Variants in PTK2 observed in about 807,000 individuals in gnomAD.
PTK2 encodes focal adhesion kinase 1.
Under a neutral mutation model 150.1 loss-of-function variants are expected in PTK2, and 45 were observed. That is an observed-to-expected ratio of 0.30 (90% CI 0.24 to 0.38). The LOEUF (loss-of-function observed/expected upper bound fraction) is 0.38. PTK2 is among the 10% of genes least tolerant of loss of function. PTK2 has a pLI of 1.00. For synonymous variants in PTK2, 432 were observed against 449.2 expected (o/e 0.96, Z 0.48); for missense variants, 919 against 1,307.3 (o/e 0.70, Z 4.58).
intron 4 of PTK2, among the ~76,000 whole-genome samples, chr8:140,870,238 C>G (rs1025490308): frequency 3.9e-5 from 6 of 152,104 alleles, no homozygotes; most frequent in Admixed American, 1.3e-4. Context: ...CTTTTATAAG[C>G]ACATATGGCA....
At chr8:140,819,287 A>T (rs1308406524) in intron 8 of PTK2, among the ~76,000 whole-genome samples, 2 of 152,254 alleles carry the variant, frequency 1.3e-5, no homozygotes, top group Non-Finnish European at 2.9e-5. Flanking sequence ...CTTAAACAGA[A>T]GTTTGTACTA....
In PTK2 at chr8:140,668,443, G is replaced by C. The variant is rs1182448711; in HGVS notation, c.2710-19C>G. On this transcript the variant is annotated intron_variant, in intron 29 of 31. Transcript: ENST00000522684. ...GCTGAAGCTGACAACACAGAAGCCA[G>C]TCATTTTTCTGCTCTCCAGCAGATG... is the stretch of plus-strand genomic sequence containing the variant. The C allele has an allele frequency of 6.3e-7, 1 of 1,595,472 alleles. No individual in the cohort carries two copies. Among genetic ancestry groups the C allele is most frequent in the Non-Finnish European group, 8.5e-7 (1 of 1,171,194 alleles).
At chr8:140,878,109 C>G (rs1469760614) in intron 4 of PTK2, among the ~76,000 whole-genome samples, 2 of 152,122 alleles carry the variant, frequency 1.3e-5, no homozygotes, top group East Asian at 3.8e-4. Flanking sequence ...TTTACATATC[C>G]TTTGTTTTGG....
intron 1 of PTK2, among the ~76,000 whole-genome samples, chr8:140,960,508 C>T (rs567532346): frequency 1.7e-4 from 26 of 151,992 alleles, no homozygotes; most frequent in Admixed American, 1.5e-3. Flanking sequence ...GCGGCTGGCC[C>T]ATTTTAACCC....
At chr8:140,708,968 C>CAAAAAAAAAAAAAA (rs34259948) in intron 23 of PTK2, among the ~76,000 whole-genome samples, 1 of 132,514 alleles carries the variant, frequency 7.5e-6, no homozygotes. Flanking sequence ...TAAATTCAGG[C>CAAAAAAAAAAAAAA]AAAAAAAAAA....
In PTK2 at chr8:140,660,463, T is replaced by C. The variant is rs914711218; in HGVS notation, c.2947-785A>G. On this transcript the variant is annotated intron_variant, in intron 31 of 31. Transcript: ENST00000522684. ...GTGGCAGGGCGCAGTGGCTCACTCC[T>C]GTACAATTTCAGCACTTTGGGCGGC... 1.3e-5 allele frequency: 5 copies of C among 395,484 alleles called. No individual in the cohort carries two copies. The East Asian group carries it at 2.9e-4, about 23-fold the overall frequency. The allele number at this position is 395,484 out of a possible 1,614,324, so 24.5% of individuals were successfully genotyped here.
At chr8:140,924,560 C>T (rs1197869772) in intron 2 of PTK2, among the ~76,000 whole-genome samples, 1 of 152,088 alleles carries the variant, frequency 6.6e-6, no homozygotes, top group African/African-American at 2.4e-5. Flanking sequence ...CTTTTCAAGG[C>T]TATGGTCACA....
rs929528075 is a variant in PTK2, at chr8:140,998,093, C to T, written c.-122+3032G>A. On this transcript the variant is annotated intron_variant, in intron 1 of 31. Coordinates refer to ENST00000522684, the Ensembl canonical transcript of PTK2. ...CCAAGATATGCCTATACTACAGGAA[C>T]TAAACTTCTCAGATGTTTTTCACCA... Among the ~76,000 whole-genome samples, 3 of 152,172 alleles carry T rather than the reference C, an allele frequency of 2.0e-5. No homozygotes were observed. In the East Asian group the frequency reaches 5.8e-4, roughly 29 times the overall value.
At chr8:140,660,681 G>A (rs915525975) in intron 31 of PTK2, 11 of 450,606 alleles carry the variant, frequency 2.4e-5, no homozygotes, top group Admixed American at 4.7e-5. Context: ...AGCCAAGATC[G>A]TGCCATTGCA....
At chr8:140,966,171 T>C (rs1404233591) in intron 1 of PTK2, among the ~76,000 whole-genome samples, 1 of 152,182 alleles carries the variant, frequency 6.6e-6, no homozygotes, top group Non-Finnish European at 1.5e-5. Flanking sequence ...ACTCCCCACA[T>C]CTACTTTTTG....
intron 30 of PTK2, among the ~76,000 whole-genome samples, chr8:140,665,976 A>G (rs1256456408): frequency 6.6e-6 from 1 of 152,248 alleles, no homozygotes; most frequent in Non-Finnish European, 1.5e-5. Flanking sequence ...TACAACTTTC[A>G]AGCAGCTTTT....
chr8:140,692,330 T>G (rs1387946514), intron 26 of PTK2, among the ~76,000 whole-genome samples: 1 of 152,116 alleles, frequency 6.6e-6, no homozygotes, highest in Non-Finnish European at 1.5e-5. Flanking sequence ...AAAGAATAGA[T>G]TCTCAGCCAG....
At position 140,715,112 on chromosome 8, in the gene PTK2, G is replaced by A. The variant is rs563323172; in HGVS notation, c.2142+2486C>T. On this transcript the variant is annotated intron_variant, in intron 23 of 31. Coordinates refer to ENST00000522684, the Ensembl canonical transcript of PTK2. ...ATTTGTTAATAATCATCAAGCATCT[G>A]TATATCTATGCTACTTTAGATGATT... is the stretch of plus-strand genomic sequence containing the variant. Among the ~76,000 whole-genome samples, 12 of 129,450 alleles carry A rather than the reference G, an allele frequency of 9.3e-5. No homozygotes were observed. In the South Asian group the frequency reaches 2.7e-3, roughly 29 times the overall value. 84.9% of individuals were successfully genotyped at this position (129,450 alleles called of 152,430 possible).
intron 1 of PTK2, among the ~76,000 whole-genome samples, chr8:140,979,994 A>C (rs1437991394): frequency 6.6e-6 from 1 of 152,170 alleles, no homozygotes; most frequent in Non-Finnish European, 1.5e-5. Flanking sequence ...TGGTGATATA[A>C]ATTGGTATAA....
At chr8:140,678,535 G>T (rs1027670403) in intron 27 of PTK2, among the ~76,000 whole-genome samples, 3 of 152,052 alleles carry the variant, frequency 2.0e-5, no homozygotes, top group African/African-American at 7.2e-5. Context: ...TATATTTCTT[G>T]TAGAGACAAG....
chr8:140,981,390 T>C (rs778814341), intron 1 of PTK2, among the ~76,000 whole-genome samples: 6 of 152,058 alleles, frequency 3.9e-5, no homozygotes, highest in Non-Finnish European at 8.8e-5. Flanking sequence ...GGGAGTGGGA[T>C]GGGACAGAAC....
At chr8:140,899,243 T>C (rs1276590811) in intron 2 of PTK2, among the ~76,000 whole-genome samples, 1 of 152,174 alleles carries the variant, frequency 6.6e-6, no homozygotes, top group Non-Finnish European at 1.5e-5. Context: ...CTAAGGGACT[T>C]TCTAGGCTAG....
intron 14 of PTK2, among the ~76,000 whole-genome samples, chr8:140,767,382 T>C (rs934949408): frequency 2.0e-5 from 3 of 152,166 alleles, no homozygotes; most frequent in Admixed American, 2.0e-4. Context: ...AATAGAGAAT[T>C]CATGGAGTAA....
chr8:140,990,349 C>T (rs936292151), intron 1 of PTK2, among the ~76,000 whole-genome samples: 2 of 151,968 alleles, frequency 1.3e-5, no homozygotes, highest in Non-Finnish European at 2.9e-5. Context: ...GTCCTCCCAC[C>T]TCATCCTCCT....
Sources: gnomAD v4.1 joint callset for allele counts (sites outside exome capture counted in the v4.1 genomes callset) on GRCh38, gnomAD v4.1.1 for gene constraint, MANE v1.5 for transcripts, NCBI Gene and HGNC (gene_info 2026-07-23, HGNC 2026-07-21) for gene names.